PIGU: variants seen among roughly 807,000 people sequenced by gnomAD.
The protein encoded by PIGU is phosphatidylinositol glycan anchor biosynthesis class U.
PIGU carries 24 observed loss-of-function variants against 49.9 expected under a neutral mutation model. That is an observed-to-expected ratio of 0.48 (90% confidence interval 0.35 to 0.68). The LOEUF (loss-of-function observed/expected upper bound fraction) is 0.68, where lower values mean the gene tolerates loss of function less well. Among genes scored for constraint, PIGU ranks in the 30% least tolerant of loss-of-function variants. The pLI, the probability that PIGU is intolerant of heterozygous loss-of-function variation, is 0.01. For missense variants in PIGU, 490 were observed against 532.6 expected, an observed-to-expected ratio of 0.92 and a Z score of 0.79; for synonymous variants, 220 against 205.7, an observed-to-expected ratio of 1.07 and a Z score of -0.59.
intron 1 of PIGU, among the ~76,000 whole-genome samples, chr20:34,670,975 A>G (rs1987288830): frequency 6.6e-6 from 1 of 152,236 alleles, no homozygotes; most frequent in Non-Finnish European, 1.5e-5. Context: ...GGAAAGACTA[A>G]AACATGGCAG....
intron 7 of PIGU, among the ~76,000 whole-genome samples, chr20:34,606,991 C>T (rs573013919): frequency 6.6e-6 from 1 of 152,318 alleles, no homozygotes; most frequent in South Asian, 2.1e-4. Flanking sequence ...GAACAACTGA[C>T]CTCGTGATCC....
At chr20:34,610,307 C>A (rs1984766063) in intron 7 of PIGU, among the ~76,000 whole-genome samples, 1 of 152,116 alleles carries the variant, frequency 6.6e-6, no homozygotes, top group African/African-American at 2.4e-5. Context: ...TAGAAAACCC[C>A]ACCGTCTCAG....
At chr20:34,660,192 G>A (rs1986889209) in intron 1 of PIGU, among the ~76,000 whole-genome samples, 1 of 152,030 alleles carries the variant, frequency 6.6e-6, no homozygotes, top group African/African-American at 2.4e-5. Flanking sequence ...TCACCACTTG[G>A]CGTACTCCAT....
At chr20:34,612,736 C>T (rs1366032320) in intron 7 of PIGU, among the ~76,000 whole-genome samples, 1 of 151,474 alleles carries the variant, frequency 6.6e-6, no homozygotes, top group Non-Finnish European at 1.5e-5. Context: ...AATGTTCCTG[C>T]CTCTGCCTCC....
chr20:34,581,462 T>C, intron 10 of PIGU, 86 bp downstream of exon 10: 1 of 1,524,136 alleles, frequency 6.6e-7, no homozygotes, highest in Non-Finnish European at 8.9e-7. Context: ...AGGTGCCTGG[T>C]AAATGCCTAT....
At chr20:34,624,455 T>G (rs80034439) in intron 6 of PIGU, among the ~76,000 whole-genome samples, 91 of 152,352 alleles carry the variant, frequency 6.0e-4, no homozygotes, top group Non-Finnish European at 1.1e-3. Context: ...GAATACCTTC[T>G]GATAGCACTG....
At chr20:34,636,120 C>T (rs1985954673) in intron 5 of PIGU, among the ~76,000 whole-genome samples, 1 of 151,662 alleles carries the variant, frequency 6.6e-6, no homozygotes, top group Non-Finnish European at 1.5e-5. Context: ...AGAATCACTT[C>T]AGTCCAGGAG....
chr20:34,643,933 A>G (rs1024062841), intron 4 of PIGU: 14 of 364,616 alleles, frequency 3.8e-5, no homozygotes, highest in Middle Eastern at 8.1e-4. Flanking sequence ...GTGGATATTA[A>G]TAGTTATTAA....
chr20:34,625,848 T>TA (rs1023388887), intron 6 of PIGU, among the ~76,000 whole-genome samples: 2 of 151,022 alleles, frequency 1.3e-5, no homozygotes, highest in African/African-American at 4.9e-5. Context: ...AGTGTGAAGT[T>TA]ACAGTGAGCT....
At chr20:34,562,712 G>T in intron 11 of PIGU, 1 of 544,194 alleles carries the variant, frequency 1.8e-6, no homozygotes, top group Non-Finnish European at 3.1e-6. Context: ...GATCACTGAT[G>T]AGCACGAGAT....
intron 11 of PIGU, among the ~76,000 whole-genome samples, chr20:34,563,696 G>A (rs1982625838): frequency 6.6e-6 from 1 of 151,762 alleles, no homozygotes; most frequent in African/African-American, 2.4e-5. Flanking sequence ...CCCTCCCATA[G>A]AAGGAGCTTA....
chr20:34,617,692 G>T (rs1332266334), intron 6 of PIGU, among the ~76,000 whole-genome samples: 2 of 152,144 alleles, frequency 1.3e-5, no homozygotes, highest in African/African-American at 4.8e-5. Flanking sequence ...AAGACTTTGG[G>T]GGACTGTTGG....
intron 7 of PIGU, among the ~76,000 whole-genome samples, chr20:34,612,914 C>A (rs1397991903): frequency 6.6e-6 from 1 of 152,108 alleles, no homozygotes; most frequent in Non-Finnish European, 1.5e-5. Flanking sequence ...TAAGCTACCA[C>A]GCCTGGCTCA....
intron 1 of PIGU, among the ~76,000 whole-genome samples, chr20:34,658,842 A>G (rs1178123330): frequency 3.7e-5 from 5 of 133,498 alleles, no homozygotes; most frequent in South Asian, 2.6e-4. Context: ...CCCGGCAGCC[A>G]CCCCGTCTGG....
At chr20:34,600,700 AAAC>A (rs1290483583) in intron 7 of PIGU, among the ~76,000 whole-genome samples, 2 of 152,186 alleles carry the variant, frequency 1.3e-5, no homozygotes, top group East Asian at 3.9e-4. Context: ...CCAGGGAATA[AAAC>A]AACAAGGCCA....
intron 7 of PIGU, among the ~76,000 whole-genome samples, chr20:34,612,035 T>G (rs925017174): frequency 1.8e-4 from 28 of 152,126 alleles, no homozygotes; most frequent in African/African-American, 6.3e-4. Context: ...TTATAAAGCA[T>G]TCTACTATAA....
chr20:34,594,779 T>C (rs2146720176), intron 7 of PIGU, among the ~76,000 whole-genome samples: 1 of 150,424 alleles, frequency 6.6e-6, no homozygotes, highest in South Asian at 2.1e-4. Context: ...TGTCGCTAAA[T>C]AAATAAAGGC....
chr20:34,610,719 T>C (rs1190146117), intron 7 of PIGU, among the ~76,000 whole-genome samples: 1 of 152,190 alleles, frequency 6.6e-6, no homozygotes, highest in Non-Finnish European at 1.5e-5. Context: ...AAATTTCATA[T>C]GGAACCCCAA....
intron 11 of PIGU, among the ~76,000 whole-genome samples, chr20:34,565,888 TAGAC>T (rs1982739574): frequency 6.9e-6 from 1 of 145,062 alleles, no homozygotes; most frequent in Admixed American, 6.9e-5. Flanking sequence ...TTGCAATGCT[TAGAC>T]ACACATGCTT....
Sources: gnomAD v4.1 joint callset for allele counts (sites outside exome capture counted in the v4.1 genomes callset) on GRCh38, gnomAD v4.1.1 for gene constraint, MANE v1.5 for transcripts, NCBI Gene and HGNC (gene_info 2026-07-23, HGNC 2026-07-21) for gene names.